The following CARS1 variants were observed in gnomAD, a reference collection of about 807,000 sequenced individuals.
CARS1 encodes the protein cysteinyl-tRNA synthetase 1.
CARS1 carries 48 observed loss-of-function variants against 106.2 expected under a neutral mutation model. The ratio of observed to expected loss-of-function variants is 0.45; its 90% CI spans 0.36 to 0.57. CARS1 has a LOEUF of 0.57. CARS1 is among the 20% of genes least tolerant of loss of function. CARS1 has a pLI of 0.00. For missense variants in CARS1, 968 were observed against 1,057.2 expected, an observed-to-expected ratio of 0.92 and a Z score of 1.17; for synonymous variants, 409 against 403.4, an observed-to-expected ratio of 1.01 and a Z score of -0.17.
rs750992007 is a variant in CARS1 at position 3,029,429 on chromosome 11, T to C, written c.816A>G (p.Glu272=). The C allele has an allele frequency of 1.9e-6, 3 of 1,613,980 alleles. No homozygotes were observed. The highest frequency in any genetic ancestry group is 2.5e-6 in the Non-Finnish European group (3 of 1,180,010). The part of the protein sequence containing the change: ...VNSCVEVLLE[E]AKDLLSDWLD... ...GCCAGTCAGAGAGCAAATCCTTGGCTTCTTCCAGCAACACCTGAAGAGAAA... is the reference window on the plus strand; with the variant it reads ...GCCAGTCAGAGAGCAAATCCTTGGCCTCTTCCAGCAACACCTGAAGAGAAA... Residue 272 remains glutamate (E), a synonymous_variant, in exon 8 of 23, where the codon GAA becomes GAG. Transcript: ENST00000380525. This position sits in a 1 kb window ranked among gnomAD's most constrained non-coding sequence, Gnocchi z 5.9.
Position 3,017,864 on chromosome 11 carries a change from T to G in CARS1, c.1720A>C (p.Asn574His). 6.2e-7 allele frequency: 1 copy of G among 1,609,610 alleles called. No individual in the cohort carries two copies. Among genetic ancestry groups the G allele is most frequent in the Non-Finnish European group, 8.5e-7 (1 of 1,175,960 alleles). Residue 574 changes from asparagine to histidine, a missense_variant, in exon 15 of 23, where the codon AAT becomes CAT. Transcript: ENST00000380525. This position sits in a 1 kb window ranked among gnomAD's most constrained non-coding sequence, Gnocchi z 4.9. ...GAAATGGCACCACCTTACTTCTTAT[T>G]CAGTTCTGCTTCTTCTTCTCCCCAC... ...EKWGEEEAEL[N>H]KNFYDKKTAI...
At chr11:3,026,949 G>A in intron 9 of CARS1, 152 bp from the exon 10 acceptor site, 3 of 851,288 alleles carry the variant, frequency 3.5e-6, no homozygotes, top group East Asian at 2.7e-5. Context: ...CGTATCAGCT[G>A]TTTGGACTGA....
rs1854021153 is a variant in CARS1, at chr11:3,038,761, G to C, written c.651+433C>G. Among the ~76,000 whole-genome samples the C allele has an allele frequency of 6.6e-6, 1 of 152,172 alleles. No homozygotes were observed. The highest frequency in any genetic ancestry group is 1.5e-5 in the Non-Finnish European group (1 of 68,034). Reference sequence around the variant, plus strand: ...GGTTATTCAGAATGAAAATACTAGAGAGAACTAATTTCTTCAAAAGATTCT... The same window carrying C: ...GGTTATTCAGAATGAAAATACTAGACAGAACTAATTTCTTCAAAAGATTCT... On this transcript the variant is annotated intron_variant, in intron 6 of 22. Transcript: ENST00000380525. The surrounding 1 kb of genome is among the most constrained non-coding windows in gnomAD (Gnocchi z 4.0).
At chr11:3,031,825 G>C (rs1380397470) in intron 7 of CARS1, among the ~76,000 whole-genome samples, 1 of 152,092 alleles carries the variant, frequency 6.6e-6, no homozygotes, top group Non-Finnish European at 1.5e-5. Context: ...AAACCCCAGG[G>C]ACCCAGTCAT....
At chr11:3,047,073 C>T (rs1414763867) in intron 2 of CARS1, among the ~76,000 whole-genome samples, 2 of 151,970 alleles carry the variant, frequency 1.3e-5, no homozygotes, top group African/African-American at 2.4e-5. Flanking sequence ...GTCGGGAGAT[C>T]GAGACCATCC....
At chr11:3,055,833 G>A (rs905147716) in intron 1 of CARS1, among the ~76,000 whole-genome samples, 2 of 152,184 alleles carry the variant, frequency 1.3e-5, no homozygotes, top group Non-Finnish European at 2.9e-5. Context: ...ACTGTTCTAC[G>A]TCCTTCCCAT....
intron 18 of CARS1, among the ~76,000 whole-genome samples, chr11:3,010,890 G>GC (rs974072489): frequency 5.9e-5 from 9 of 152,216 alleles, no homozygotes; most frequent in African/African-American, 1.7e-4. Flanking sequence ...CCTGGATGCT[G>GC]CCCCACTGTG....
At chr11:3,001,837 C>T (rs1032916856) in intron 22 of CARS1, 133 bp downstream of exon 22, 6 of 773,782 alleles carry the variant, frequency 7.8e-6, no homozygotes, top group African/African-American at 5.1e-5. Context: ...GGACCTAAAG[C>T]GGGTGTCAGA....
At chr11:3,016,758 G>A (rs1434600195) in intron 16 of CARS1, among the ~76,000 whole-genome samples, 3 of 151,912 alleles carry the variant, frequency 2.0e-5, no homozygotes, top group Non-Finnish European at 2.9e-5. Flanking sequence ...GAAAACAGGT[G>A]TGTGCCACCA....
chr11:3,040,767 C>T lies in CARS1; in HGVS notation c.455+129G>A. The T allele has an allele frequency of 1.1e-6, 1 of 926,712 alleles. No homozygotes were observed. The highest frequency in any genetic ancestry group is 1.7e-6 in the Non-Finnish European group (1 of 601,458). 57.4% of individuals were successfully genotyped at this position (926,712 alleles called of 1,614,324 possible). ...TAAGAGAAGAAATTCAGTCTTGATTCCTCAAATCTCAGGTCTCTGTAGCAG... is the reference window on the plus strand; with the variant it reads ...TAAGAGAAGAAATTCAGTCTTGATTTCTCAAATCTCAGGTCTCTGTAGCAG... On this transcript the variant is annotated intron_variant, in intron 4 of 22. Transcript: ENST00000380525. The surrounding 1 kb of genome is among the most constrained non-coding windows in gnomAD (Gnocchi z 5.8).
Position 3,039,280 on chromosome 11 carries a change from C to A in CARS1, c.565G>T (p.Ala189Ser). Residue 189 changes from alanine to serine, a missense_variant, in exon 6 of 23, where the codon GCC (alanine) becomes TCC (serine). Physicochemically the swap from Ala to Ser is moderately conservative, Grantham distance 99. Coordinates refer to ENST00000380525, the MANE Select transcript of CARS1 (RefSeq NM_001014437.3). The surrounding 1 kb of genome is among the most constrained non-coding windows in gnomAD (Gnocchi z 5.6). The part of the protein sequence containing the change: ...TDIDDKIIKR[A>S]RQNHLFEQYR... ...TGCTCGAACAGGTGGTTCTGCCGGG[C>A]CCTCTTGATGATCTGGGGAGGGAAG... The A allele has an allele frequency of 6.2e-7, 1 of 1,611,464 alleles. No individual in the cohort carries two copies. The highest frequency in any genetic ancestry group is 8.5e-7 in the Non-Finnish European group (1 of 1,177,748).
At chr11:3,007,252 G>A (rs570056157) in intron 18 of CARS1, 3 of 449,378 alleles carry the variant, frequency 6.7e-6, no homozygotes, top group African/African-American at 2.0e-5. Context: ...CACACTGGCC[G>A]CCGGAAGCAG....
rs1183975696 is a variant in CARS1 at position 3,050,932 on chromosome 11, AT to A, written c.26-2932del. Among the ~76,000 whole-genome samples, 4 of 152,164 alleles carry A rather than the reference AT, an allele frequency of 2.6e-5. No homozygotes were observed. The highest frequency in any genetic ancestry group is 9.7e-5 in the African/African-American group (4 of 41,420). On this transcript the variant is annotated intron_variant, in intron 1 of 22. Transcript: ENST00000380525. The surrounding 1 kb of genome is among the most constrained non-coding windows in gnomAD (Gnocchi z 6.3). ...TCTGCCCCACCGCTCCATCTACCTT[AT>A]TCACTGCTCGATCTTCAGCATCTAC...
rs1855858669 is a variant in CARS1 at position 3,053,144 on chromosome 11, C to T, written c.25+4199G>A. Among the ~76,000 whole-genome samples the T allele has an allele frequency of 6.6e-6, 1 of 152,276 alleles. No individual in the cohort carries two copies. Among genetic ancestry groups the T allele is most frequent in the South Asian group, 2.1e-4 (1 of 4,836 alleles). ...CACACCAAATGAACAACAACCCTGA[C>T]ACGTCAAACAACTGTGGCAGTGCGA... On this transcript the variant is annotated intron_variant, in intron 1 of 22. Coordinates refer to ENST00000380525, the MANE Select transcript of CARS1 (RefSeq NM_001014437.3). This position sits in a 1 kb window ranked among gnomAD's most constrained non-coding sequence, Gnocchi z 6.6.
At chr11:3,032,351 G>C (rs1447899141) in intron 7 of CARS1, among the ~76,000 whole-genome samples, 2 of 152,020 alleles carry the variant, frequency 1.3e-5, no homozygotes, top group East Asian at 3.9e-4. Flanking sequence ...GAGTTCAGGC[G>C]TGAGCCACCG....
chr11:3,035,542 G>C (rs1853505564), intron 7 of CARS1, among the ~76,000 whole-genome samples: 1 of 152,166 alleles, frequency 6.6e-6, no homozygotes, highest in Non-Finnish European at 1.5e-5. Context: ...CTGGAGTGCA[G>C]TGGTGTGTTC....
chr11:3,049,654 G>C (rs574121513), intron 1 of CARS1, among the ~76,000 whole-genome samples: 1 of 152,348 alleles, frequency 6.6e-6, no homozygotes, highest in South Asian at 2.1e-4. Flanking sequence ...CTCAGGGTAG[G>C]AATGCACATG....
chr11:3,037,390 G>T lies in CARS1; in HGVS notation c.801+660C>A, dbSNP rs1176100145. Among the ~76,000 whole-genome samples the T allele has an allele frequency of 6.6e-6, 1 of 152,198 alleles. No homozygotes were observed. The highest frequency in any genetic ancestry group is 1.5e-5 in the Non-Finnish European group (1 of 68,026). On this transcript the variant is annotated intron_variant, in intron 7 of 22. Coordinates refer to ENST00000380525, the MANE Select transcript of CARS1 (RefSeq NM_001014437.3). This position sits in a 1 kb window ranked among gnomAD's most constrained non-coding sequence, Gnocchi z 5.9. ...GGAAGGCAGGGCTGCGGCCTCAGTG[G>T]GGCCTCTTTTTCTACACACAGCTGC...
At position 3,020,382 on chromosome 11, in the gene CARS1, C is replaced by T. The variant is rs765754245; in HGVS notation, c.1154-50G>A. The T allele has an allele frequency of 1.2e-5, 14 of 1,122,382 alleles. No individual in the cohort carries two copies. The East Asian group carries it at 2.8e-4, about 23-fold the overall frequency. 69.5% of individuals were successfully genotyped at this position (1,122,382 alleles called of 1,614,324 possible). A position where few individuals can be genotyped will look rare whatever the true frequency, so the allele number is the denominator to read the frequency against. On this transcript the variant is annotated intron_variant, in intron 10 of 22. Transcript: ENST00000380525. This position sits in a 1 kb window ranked among gnomAD's most constrained non-coding sequence, Gnocchi z 4.6. ...AAGGTCACTCAGCAGCACCCACAGA[C>T]CCACATGTCTCACTTCAAGGCCATC...
Sources: allele counts gnomAD v4.1 joint callset (sites outside exome capture counted in the v4.1 genomes callset), GRCh38; gene constraint gnomAD v4.1.1; non-coding constraint Gnocchi (gnomAD v3.1); transcripts MANE v1.5; gene names NCBI Gene and HGNC (gene_info 2026-07-23, HGNC 2026-07-21).